FTO: variants seen among roughly 807,000 people sequenced by gnomAD.
The protein encoded by FTO is alpha-ketoglutarate-dependent dioxygenase FTO.
In FTO, 47 loss-of-function variants were observed where a neutral mutation model predicts 63.9. The ratio of observed to expected loss-of-function variants is 0.74; its 90% CI spans 0.58 to 0.94. The LOEUF (loss-of-function observed/expected upper bound fraction) is 0.94. FTO is among the 40% of genes least tolerant of loss of function. FTO has a pLI of 0.00. For missense variants in FTO, 562 were observed against 618.1 expected (o/e 0.91, Z 0.96); for synonymous variants, 207 against 224.4 (o/e 0.92, Z 0.69).
intron 8 of FTO, among the ~76,000 whole-genome samples, chr16:54,087,859 A>T (rs1357840770): frequency 6.6e-6 from 1 of 152,210 alleles, no homozygotes; most frequent in East Asian, 1.9e-4. Context: ...AGTTGACTTC[A>T]AAGTACTGTA....
At chr16:53,856,167 A>G (rs2079986241) in intron 4 of FTO, among the ~76,000 whole-genome samples, 1 of 152,102 alleles carries the variant, frequency 6.6e-6, no homozygotes, top group Non-Finnish European at 1.5e-5. Flanking sequence ...AAGACAGTGG[A>G]AGAATGACTG....
chr16:53,933,315 A>G (rs2082322175), intron 7 of FTO, among the ~76,000 whole-genome samples: 1 of 152,340 alleles, frequency 6.6e-6, no homozygotes, highest in East Asian at 1.9e-4. Context: ...TTTGGTTATA[A>G]AATCTCCAAA....
chr16:54,101,274 C>G (rs1183031322), intron 8 of FTO, among the ~76,000 whole-genome samples: 4 of 152,156 alleles, frequency 2.6e-5, no homozygotes, highest in African/African-American at 9.7e-5. Flanking sequence ...TGCTCTCCCC[C>G]TCCTCGCACA....
At chr16:53,936,672 G>A (rs927459360) in intron 8 of FTO, among the ~76,000 whole-genome samples, 1 of 152,144 alleles carries the variant, frequency 6.6e-6, no homozygotes, top group Admixed American at 6.5e-5. Context: ...ACTCACCAAA[G>A]GCCAAGCAAT....
In FTO at chr16:54,110,481, G is replaced by A. The variant is rs1472922379; in HGVS notation, c.1365-1281G>A. Among the ~76,000 whole-genome samples the A allele has an allele frequency of 4.6e-5, 7 of 152,288 alleles. No individual in the cohort carries two copies. The East Asian group carries it at 7.7e-4, about 17-fold the overall frequency. ...TAGAATGTTATGTGTAATGTACGAC[G>A]GATTGAGTGCATAGGATGCCGGTGT... is the stretch of plus-strand genomic sequence containing the variant. On this transcript the variant is annotated intron_variant, in intron 8 of 8. Coordinates refer to ENST00000471389, the MANE Select transcript of FTO (RefSeq NM_001080432.3).
rs1008522381 is a variant in FTO, at chr16:54,114,513, C to T, written c.*2598C>T. ...CTTTTGCATGGATGAGCCAGCTTCA[C>T]TGTCCTGGGTGGGGCCCAGGTGGAA... On this transcript the variant is annotated 3_prime_UTR_variant, in exon 9 of 9. Coordinates refer to ENST00000471389, the MANE Select transcript of FTO (RefSeq NM_001080432.3). 6.6e-6 allele frequency: 1 copy of T among 152,202 alleles called. No homozygotes were observed. The highest frequency in any genetic ancestry group is 1.5e-5 in the Non-Finnish European group (1 of 68,052). 9.4% of individuals were successfully genotyped at this position (152,202 alleles called of 1,614,324 possible).
intron 2 of FTO, among the ~76,000 whole-genome samples, chr16:53,824,848 A>G (rs1318410212): frequency 6.6e-6 from 1 of 152,216 alleles, no homozygotes; most frequent in Admixed American, 6.5e-5. Flanking sequence ...TTTGGTTACA[A>G]ATAAATCAGT....
chr16:53,999,350 C>G (rs2143978080), intron 8 of FTO, among the ~76,000 whole-genome samples: 1 of 152,282 alleles, frequency 6.6e-6, no homozygotes, highest in East Asian at 1.9e-4. Flanking sequence ...TTCCGGAAAC[C>G]CAGCAGAGGA....
Position 53,781,394 on chromosome 16 carries a change from A to G in FTO, c.46-28746A>G, listed in dbSNP as rs1403090479. Among the ~76,000 whole-genome samples, 3 of 152,246 alleles carry G rather than the reference A, an allele frequency of 2.0e-5. No individual in the cohort carries two copies. The East Asian group carries it at 5.8e-4, about 29-fold the overall frequency. On this transcript the variant is annotated intron_variant, in intron 1 of 8. Coordinates refer to ENST00000471389, the MANE Select transcript of FTO (RefSeq NM_001080432.3). ...GTAACATGACTCATGAAATGTAAAC[A>G]GCCATTTGTGTGAACATGAAAGGTC...
intron 4 of FTO, among the ~76,000 whole-genome samples, chr16:53,861,685 T>A (rs1467874241): frequency 6.6e-6 from 1 of 152,250 alleles, no homozygotes; most frequent in African/African-American, 2.4e-5. Context: ...TCGCAATAGT[T>A]GCATTAAATT....
chr16:53,883,647 A>C (rs1475799304), intron 6 of FTO, among the ~76,000 whole-genome samples: 1 of 98,256 alleles, frequency 1.0e-5, no homozygotes, highest in Non-Finnish European at 2.1e-5. Context: ...AAAAAAAAAA[A>C]AACAAATTTG....
intron 8 of FTO, among the ~76,000 whole-genome samples, chr16:54,023,421 A>G (rs1324153954): frequency 6.6e-6 from 1 of 152,160 alleles, no homozygotes; most frequent in East Asian, 1.9e-4. Context: ...ATAATCTTCT[A>G]CCGTTTTCAT....
intron 1 of FTO, among the ~76,000 whole-genome samples, chr16:53,728,076 A>C (rs1158922303): frequency 6.6e-6 from 1 of 152,042 alleles, no homozygotes; most frequent in Non-Finnish European, 1.5e-5. Flanking sequence ...CTGTCTCTAC[A>C]TGAAATTAAA....
intron 8 of FTO, among the ~76,000 whole-genome samples, chr16:53,957,012 A>G (rs1420000141): frequency 1.3e-5 from 2 of 152,162 alleles, no homozygotes; most frequent in East Asian, 1.9e-4. Context: ...ATGTATTTCT[A>G]TAATATGTAG....
chr16:54,014,252 G>A (rs1409133096), intron 8 of FTO, among the ~76,000 whole-genome samples: 1 of 152,170 alleles, frequency 6.6e-6, no homozygotes, highest in Admixed American at 6.5e-5. Context: ...CAATTTTAGA[G>A]GTAGGATATA....
At chr16:53,714,577 A>G (rs1018393840) in intron 1 of FTO, among the ~76,000 whole-genome samples, 1 of 152,170 alleles carries the variant, frequency 6.6e-6, no homozygotes, top group Non-Finnish European at 1.5e-5. Flanking sequence ...ATGAATGCAA[A>G]CATTACAGTT....
chr16:53,857,780 C>T (rs2080051114), intron 4 of FTO, among the ~76,000 whole-genome samples: 1 of 152,146 alleles, frequency 6.6e-6, no homozygotes, highest in Non-Finnish European at 1.5e-5. Flanking sequence ...TTTCTGTGCT[C>T]CATCCAGGCA....
intron 8 of FTO, among the ~76,000 whole-genome samples, chr16:54,072,813 C>G (rs775504183): frequency 6.6e-6 from 1 of 152,142 alleles, no homozygotes; most frequent in Non-Finnish European, 1.5e-5. Context: ...AGGAGCTTCC[C>G]TCTGACTCGG....
chr16:53,898,329 A>T (rs947185938), intron 7 of FTO, among the ~76,000 whole-genome samples: 1 of 152,040 alleles, frequency 6.6e-6, no homozygotes, highest in Non-Finnish European at 1.5e-5. Context: ...TGTAATTTAC[A>T]TGACTCTCTC....
Sources: gnomAD v4.1 joint callset for allele counts (sites outside exome capture counted in the v4.1 genomes callset) on GRCh38, gnomAD v4.1.1 for gene constraint, MANE v1.5 for transcripts, NCBI Gene and HGNC (gene_info 2026-07-23, HGNC 2026-07-21) for gene names.